The following RPL31 variants were observed in gnomAD, a reference collection of about 807,000 sequenced individuals.
RPL31 encodes the protein large ribosomal subunit protein eL31.
For synonymous variants in RPL31, 51 were observed against 55.0 expected, an observed-to-expected ratio of 0.93 and a Z score of 0.32; for missense variants, 95 against 164.0, an observed-to-expected ratio of 0.58 and a Z score of 2.30.
intron 4 of RPL31, among the ~76,000 whole-genome samples, chr2:101,016,270 A>C (rs1679628672): frequency 6.6e-6 from 1 of 152,244 alleles, no homozygotes; most frequent in African/African-American, 2.4e-5. Context: ...AAAGGATATG[A>C]ACAGACACTT....
intron 4 of RPL31, among the ~76,000 whole-genome samples, chr2:101,013,961 A>T (rs1305844413): frequency 1.3e-5 from 2 of 152,232 alleles, no homozygotes; most frequent in Admixed American, 6.5e-5. Context: ...CGCTTGGATT[A>T]ATCAGAAATT....
intron 4 of RPL31, among the ~76,000 whole-genome samples, chr2:101,013,105 CA>C (rs1360543660): frequency 1.3e-5 from 2 of 152,102 alleles, no homozygotes; most frequent in Non-Finnish European, 2.9e-5. Flanking sequence ...GCAATTAATC[CA>C]GGGGGTGGGC....
chr2:101,011,998 G>A (rs1308002077), downstream of RPL31, among the ~76,000 whole-genome samples: 4 of 151,974 alleles, frequency 2.6e-5, no homozygotes, highest in Admixed American at 6.6e-5. Context: ...GTACTTACAC[G>A]ATTTCTTTTA....
chr2:101,002,523 G>T (rs1403841228), intron 1 of RPL31, 179 bp from the exon 2 acceptor site: 19 of 619,962 alleles, frequency 3.1e-5, no homozygotes, highest in Non-Finnish European at 3.8e-5. Flanking sequence ...GGATTTCCGG[G>T]TCGGAGGCAT....
chr2:101,009,579 T>C (rs1679034162), downstream of RPL31, among the ~76,000 whole-genome samples: 1 of 152,138 alleles, frequency 6.6e-6, no homozygotes, highest in South Asian at 2.1e-4. Flanking sequence ...TTAATACTGA[T>C]AGCTCTGAGT....
intron 4 of RPL31, among the ~76,000 whole-genome samples, chr2:101,017,370 G>A (rs1679731698): frequency 6.6e-6 from 1 of 152,044 alleles, no homozygotes; most frequent in Non-Finnish European, 1.5e-5. Context: ...CCAGTATTAG[G>A]TGTTACATGT....
chr2:101,010,019 G>T (rs1319550691), downstream of RPL31, among the ~76,000 whole-genome samples: 1 of 151,816 alleles, frequency 6.6e-6, no homozygotes. Context: ...GTAGAGACGG[G>T]GTTTCACCAT....
intron 4 of RPL31, chr2:101,018,899 T>A (rs1679848750): frequency 2.0e-6 from 3 of 1,473,148 alleles, no homozygotes; most frequent in Non-Finnish European, 2.8e-6. Flanking sequence ...GGTTTATCAA[T>A]CTGCAGTGAA....
At chr2:101,011,648 T>G (rs1679222149), downstream of RPL31, 40 of 1,153,704 alleles carry the variant, frequency 3.5e-5, 1 homozygote, top group South Asian at 5.3e-4. Flanking sequence ...GCTCCCAGCC[T>G]GTGGACTGTA....
chr2:101,012,171 TAA>T (rs1679266734), downstream of RPL31, among the ~76,000 whole-genome samples: 1 of 152,204 alleles, frequency 6.6e-6, no homozygotes, highest in South Asian at 2.1e-4. Context: ...TTAAAAAAGT[TAA>T]AGTTACCATT....
downstream of RPL31, chr2:101,011,338 T>G: frequency 3.6e-6 from 4 of 1,108,796 alleles, no homozygotes; most frequent in South Asian, 5.3e-5. Context: ...GATAATTCAT[T>G]GGACGAAGGG....
Position 101,006,832 on chromosome 2 carries a change from AGTT to A in RPL31, c.*457_*459del, listed in dbSNP as rs1194257000. The A allele has an allele frequency of 6.5e-6, 1 of 154,382 alleles. No homozygotes were observed. The highest frequency in any genetic ancestry group is 2.4e-5 in the African/African-American group (1 of 41,524). The allele number at this position is 154,382 out of a possible 1,614,324, so 9.6% of individuals were successfully genotyped here. On this transcript the variant is annotated 3_prime_UTR_variant, in exon 5 of 5. Transcript: ENST00000264258. ...TTCTGCCTACATCCATATTGAGTAT[AGTT>A]GTTGTCTTCTAAAATAATTAATTGA...
chr2:101,004,557 G>C (rs545304955), intron 3 of RPL31: 1 of 449,772 alleles, frequency 2.2e-6, no homozygotes, highest in African/African-American at 2.0e-5. Flanking sequence ...TGGGAGCGGG[G>C]TGGTGAACGC....
chr2:101,002,375 G>T (rs1440529969), intron 1 of RPL31, 60 bp downstream of exon 1: 1 of 354,342 alleles, frequency 2.8e-6, no homozygotes, highest in African/African-American at 2.1e-5. Context: ...CTTTGGGATT[G>T]TGCTAACTGG....
At chr2:101,002,559 G>C in intron 1 of RPL31, 143 bp from the exon 2 acceptor site, 1 of 670,804 alleles carries the variant, frequency 1.5e-6, no homozygotes, top group East Asian at 2.7e-5. Flanking sequence ...GCGCGGGTGC[G>C]TGGGCCACTG....
rs772260769 is a variant in RPL31, at chr2:101,006,087, C to T, written c.346+16C>T. The T allele has an allele frequency of 1.4e-5, 22 of 1,609,000 alleles. No homozygotes were observed. Among genetic ancestry groups the T allele is most frequent in the East Asian group, 8.9e-5 (4 of 44,750 alleles). Reference sequence around the variant, plus strand: ...ACTTTCAAAAGTAAGTTCTCCATCCCATAAAGCCATTTAAATTCATTAGAA... The same window carrying T: ...ACTTTCAAAAGTAAGTTCTCCATCCTATAAAGCCATTTAAATTCATTAGAA... On this transcript the variant is annotated intron_variant, in intron 4 of 4. Coordinates refer to ENST00000264258, the MANE Select transcript of RPL31 (RefSeq NM_000993.5).
In RPL31 at chr2:101,002,784, A is replaced by G. The variant is rs748761150; in HGVS notation, c.83A>G (p.Asn28Ser). 5.0e-5 allele frequency: 81 copies of G among 1,613,838 alleles called. No individual in the cohort carries two copies. The highest frequency in any genetic ancestry group is 6.2e-5 in the Non-Finnish European group (73 of 1,179,854). Residue 28 changes from asparagine to serine, a missense_variant, in exon 2 of 5, where the codon AAC becomes AGC. Physicochemically the swap from Asn to Ser is conservative, Grantham distance 46. Transcript: ENST00000264258. Reference sequence around the variant, plus strand: ...GTGGTAACCCGAGAATACACCATCAACATTCACAAGCGCATCCATGGAGTG... The same window carrying G: ...GTGGTAACCCGAGAATACACCATCAGCATTCACAAGCGCATCCATGGAGTG... Reference protein sequence around the residue: ...NEVVTREYTINIHKRIHGVGF... With the variant: ...NEVVTREYTISIHKRIHGVGF...
intron 4 of RPL31, among the ~76,000 whole-genome samples, chr2:101,016,871 C>T (rs1309222415): frequency 6.7e-6 from 1 of 150,148 alleles, no homozygotes; most frequent in African/African-American, 2.5e-5. Context: ...GGGAATTGAA[C>T]AATGAGACCA....
chr2:101,009,028 T>C (rs193141428), downstream of RPL31, among the ~76,000 whole-genome samples: 3 of 152,058 alleles, frequency 2.0e-5, no homozygotes, highest in Admixed American at 1.3e-4. Flanking sequence ...GCTGCTGAAA[T>C]TGAGAATACG....
Sources: gnomAD v4.1 joint callset for allele counts (sites outside exome capture counted in the v4.1 genomes callset) on GRCh38, gnomAD v4.1.1 for gene constraint, MANE v1.5 for transcripts, NCBI Gene and HGNC (gene_info 2026-07-23, HGNC 2026-07-21) for gene names.